The following GRAMD4 variants were observed in gnomAD, a reference collection of about 807,000 sequenced individuals.
GRAMD4 encodes GRAM domain containing 4.
A neutral mutation model predicts 83.9 loss-of-function variants in GRAMD4; 25 were observed. The ratio of observed to expected loss-of-function variants is 0.30; its 90% CI spans 0.22 to 0.42. GRAMD4 has a LOEUF of 0.42. Ranked by LOEUF, GRAMD4 falls within the 10% of genes least tolerant of loss-of-function variation. The pLI, the probability that GRAMD4 is intolerant of heterozygous loss-of-function variation, is 1.00. For missense variants in GRAMD4, 593 were observed against 788.7 expected, an observed-to-expected ratio of 0.75 and a Z score of 2.97; for synonymous variants, 336 against 320.9, an observed-to-expected ratio of 1.05 and a Z score of -0.50.
In GRAMD4 at chr22:46,677,176, G is replaced by A; in HGVS notation, c.1662G>A (p.Arg554=). The change falls in exon 19 of 19, where the codon AGG becomes AGA. Residue 554 remains arginine, a synonymous_variant. Transcript: ENST00000406902. The part of the protein sequence containing the change: ...KPLVFGAMVH[R]DEAFETILSQ... ...TCGTGTTTGGTGCCATGGTGCACAG[G>A]GATGAGGCCTTCGAGACCATTCTCA... is the stretch of plus-strand genomic sequence containing the variant. 6.2e-7 allele frequency: 1 copy of A among 1,613,820 alleles called. No individual in the cohort carries two copies.
chr22:46,627,242 C>T (rs537110195), intron 2 of GRAMD4, among the ~76,000 whole-genome samples: 5 of 152,364 alleles, frequency 3.3e-5, no homozygotes, highest in East Asian at 3.9e-4. Context: ...GCACATGTGA[C>T]GCGGAAGCCT....
rs1182993403 is a variant in GRAMD4, at chr22:46,658,175, T to C, written c.284-12T>C. On this transcript the variant is annotated splice_polypyrimidine_tract_variant and intron_variant, in intron 3 of 18. Transcript: ENST00000406902. Reference sequence around the variant, plus strand: ...ATGAGCGATGGTCACCTGGCCGTTCTCTCCCCCATAGAGGAGGAGCTCCGG... The same window carrying C: ...ATGAGCGATGGTCACCTGGCCGTTCCCTCCCCCATAGAGGAGGAGCTCCGG... 1 of 1,613,418 alleles carries C rather than the reference T, an allele frequency of 6.2e-7. No homozygotes were observed. The highest frequency in any genetic ancestry group is 1.7e-5 in the Admixed American group (1 of 60,004).
At chr22:46,664,320 T>C (rs1483069547) in intron 8 of GRAMD4, among the ~76,000 whole-genome samples, 1 of 152,174 alleles carries the variant, frequency 6.6e-6, no homozygotes, top group Non-Finnish European at 1.5e-5. Context: ...GGATCAAAGA[T>C]GTTGGGCGTG....
At chr22:46,585,193 CTTTT>C (rs61489516) in intron 1 of GRAMD4, among the ~76,000 whole-genome samples, 1 of 141,662 alleles carries the variant, frequency 7.1e-6, no homozygotes. Flanking sequence ...TTCTTTCTTT[CTTTT>C]TTTTTTTTTT....
At chr22:46,652,870 C>T (rs2082187096) in intron 3 of GRAMD4, among the ~76,000 whole-genome samples, 1 of 152,188 alleles carries the variant, frequency 6.6e-6, no homozygotes, top group South Asian at 2.1e-4. Flanking sequence ...GGGGGATTTG[C>T]ATCTCCTTTG....
intron 3 of GRAMD4, among the ~76,000 whole-genome samples, chr22:46,644,024 C>T (rs2082028677): frequency 6.6e-6 from 1 of 152,202 alleles, no homozygotes; most frequent in East Asian, 1.9e-4. Flanking sequence ...CTGTATTCTT[C>T]CAACTGAAAT....
At chr22:46,642,886 T>C (rs929942796) in intron 3 of GRAMD4, among the ~76,000 whole-genome samples, 14 of 152,190 alleles carry the variant, frequency 9.2e-5, no homozygotes, top group African/African-American at 2.9e-4. Flanking sequence ...GCCTCTCTTA[T>C]CTATCTATCC....
At chr22:46,607,287 A>G (rs1355076047) in intron 1 of GRAMD4, among the ~76,000 whole-genome samples, 3 of 152,208 alleles carry the variant, frequency 2.0e-5, no homozygotes, top group Non-Finnish European at 4.4e-5. Flanking sequence ...TGGCACGTGC[A>G]TACCTATGTA....
intron 3 of GRAMD4, among the ~76,000 whole-genome samples, chr22:46,649,695 A>C (rs150388001): frequency 1.5e-4 from 23 of 152,362 alleles, no homozygotes; most frequent in African/African-American, 5.5e-4. Flanking sequence ...CAGTGTTGAC[A>C]GTTGATCGTT....
chr22:46,658,299 G>A lies in GRAMD4; in HGVS notation c.396G>A (p.Leu132=), dbSNP rs747924236. 3 of 1,610,894 alleles carry A rather than the reference G, an allele frequency of 1.9e-6. No individual in the cohort carries two copies. The highest frequency in any genetic ancestry group is 1.7e-5 in the Admixed American group (1 of 59,874). The change falls in exon 4 of 19, where the codon CTG becomes CTA. Residue 132 remains leucine (L), a synonymous_variant. Transcript: ENST00000406902. ...TGGAGCAGAAGGTGCAGGAGGTGCT[G>A]AAGGCCAGGTACCGCGCCTTCCTCG... ...MELEQKVQEV[L]KARTEEQMAQ... is the part of the protein sequence containing the mutation.
chr22:46,667,610 A>G (rs1361151731), intron 10 of GRAMD4, among the ~76,000 whole-genome samples: 2 of 152,252 alleles, frequency 1.3e-5, no homozygotes, highest in South Asian at 2.1e-4. Flanking sequence ...CGGTGCCTCC[A>G]CGGGCCTAGT....
intron 2 of GRAMD4, among the ~76,000 whole-genome samples, chr22:46,627,792 T>C (rs866684538): frequency 1.2e-4 from 19 of 152,352 alleles, no homozygotes; most frequent in Non-Finnish European, 2.2e-4. Context: ...GTGCGTTGCT[T>C]TCAGCAGGAA....
intron 1 of GRAMD4, among the ~76,000 whole-genome samples, chr22:46,588,421 G>T (rs35810233): frequency 6.6e-6 from 1 of 152,046 alleles, no homozygotes; most frequent in Admixed American, 6.5e-5. Context: ...GGGCAGACCC[G>T]GCTGGCTTGT....
intron 1 of GRAMD4, among the ~76,000 whole-genome samples, chr22:46,589,205 G>A (rs1049224796): frequency 2.0e-5 from 3 of 151,402 alleles, no homozygotes; most frequent in East Asian, 3.9e-4. Context: ...CTGCCTTCCC[G>A]AAAGCCCTGG....
Position 46,659,957 on chromosome 22 carries a change from G to A in GRAMD4, c.405-1424G>A, listed in dbSNP as rs1012774819. 2.6e-5 allele frequency among the ~76,000 whole-genome samples: 4 copies of A among 152,196 alleles called. No individual in the cohort carries two copies. The highest frequency in any genetic ancestry group is 9.6e-5 in the African/African-American group (4 of 41,462). ...GCTGGGAGATCCCAGGGACAGGTGC[G>A]GTCCCCAGGCATTTGGCCACAGTGC... On this transcript the variant is annotated intron_variant, in intron 4 of 18. Coordinates refer to ENST00000406902, the MANE Select transcript of GRAMD4 (RefSeq NM_015124.5). The surrounding 1 kb of genome is among the most constrained non-coding windows in gnomAD (Gnocchi z 4.1).
rs1391658920 is a variant in GRAMD4, at chr22:46,672,967, G to A, written c.1209G>A (p.Lys403=). ...WRSLPTDPQL[K]ERSSAAVSRR... Reference sequence around the variant, plus strand: ...GTCTCCCCACCGACCCGCAGCTCAAGGAGCGCTCCAGCGCCGCAGTCTCAC... The same window carrying A: ...GTCTCCCCACCGACCCGCAGCTCAAAGAGCGCTCCAGCGCCGCAGTCTCAC... The change falls in exon 14 of 19, where the codon AAG becomes AAA. Residue 403 remains lysine, a synonymous_variant. Coordinates refer to ENST00000406902, the MANE Select transcript of GRAMD4 (RefSeq NM_015124.5). The surrounding 1 kb of genome is among the most constrained non-coding windows in gnomAD (Gnocchi z 4.7). 1.9e-6 allele frequency: 3 copies of A among 1,608,012 alleles called. No homozygotes were observed. The highest frequency in any genetic ancestry group is 2.7e-5 in the African/African-American group (2 of 75,006).
At chr22:46,578,891 C>T (rs1417009741) in intron 1 of GRAMD4, among the ~76,000 whole-genome samples, 2 of 152,224 alleles carry the variant, frequency 1.3e-5, no homozygotes, top group African/African-American at 4.8e-5. Context: ...CGAAGCCCCA[C>T]AGTCCTCACC....
intron 1 of GRAMD4, among the ~76,000 whole-genome samples, chr22:46,588,508 G>A (rs2081173742): frequency 6.6e-6 from 1 of 152,232 alleles, no homozygotes; most frequent in Non-Finnish European, 1.5e-5. Context: ...AGGGCAAGAG[G>A]GGAGCTGTGG....
chr22:46,638,518 G>C (rs948148377), intron 3 of GRAMD4, among the ~76,000 whole-genome samples: 7 of 152,328 alleles, frequency 4.6e-5, no homozygotes, highest in African/African-American at 1.4e-4. Context: ...TACAGGAGGG[G>C]CTCGCAGGCT....
Sources: gnomAD v4.1 joint callset for allele counts (sites outside exome capture counted in the v4.1 genomes callset) on GRCh38, gnomAD v4.1.1 for gene constraint, Gnocchi (gnomAD v3.1) non-coding constraint, MANE v1.5 for transcripts, NCBI Gene and HGNC (gene_info 2026-07-23, HGNC 2026-07-21) for gene names.